The following HHIPL1 variants were observed in gnomAD, a reference collection of about 807,000 sequenced individuals.
The protein encoded by HHIPL1 is HHIP-like protein 1.
In HHIPL1, 43 loss-of-function variants were observed where a neutral mutation model predicts 61.8. The ratio of observed to expected loss-of-function variants is 0.70; its 90% CI spans 0.55 to 0.90. The LOEUF (loss-of-function observed/expected upper bound fraction) is 0.90. Ranked by LOEUF, HHIPL1 falls within the 40% of genes least tolerant of loss-of-function variation. The probability of loss-of-function intolerance (pLI) is 0.00; values close to 1 mark genes in which losing one functional copy is unlikely to be tolerated. For missense variants in HHIPL1, 1,056 were observed against 1,157.7 expected, an observed-to-expected ratio of 0.91 and a Z score of 1.28; for synonymous variants, 482 against 515.8, an observed-to-expected ratio of 0.93 and a Z score of 0.89.
the HHIPL1 span, among the ~76,000 whole-genome samples, chr14:99,637,000 G>GAAGAAAGAAAGAAAGAAAGAAAGA: frequency 5.2e-5 from 4 of 77,004 alleles, no homozygotes; most frequent in East Asian, 3.4e-4. Context: ...AAGAAAGAAA[G>GAAGAAAGAAAGAAAGAAAGAAAGA]AAGAAAGAAA....
rs1361206408 is a variant in HHIPL1 at position 99,662,891 on chromosome 14, C to A, written c.1518C>A (p.Leu506=). ...GDFMSGRLMS[L]QENPGTGQWQ... ...TCCTTTGCAGGCGTCTGATGTCCCT[C>A]CAAGAGAACCCAGGGACAGGCCAGT... The change falls in exon 6 of 9, where the codon CTC becomes CTA. Residue 506 remains leucine (L), a synonymous_variant. Transcript: ENST00000330710. 6.2e-7 allele frequency: 1 copy of A among 1,605,892 alleles called. No homozygotes were observed. The highest frequency in any genetic ancestry group is 2.2e-5 in the East Asian group (1 of 44,684).
chr14:99,673,833 G>A (rs1471020649), intron 8 of HHIPL1, among the ~76,000 whole-genome samples: 2 of 97,378 alleles, frequency 2.1e-5, no homozygotes, highest in East Asian at 4.1e-4. Flanking sequence ...CGGCATGGAG[G>A]GGGGGTGCAC....
At chr14:99,624,448 G>A in the HHIPL1 span, among the ~76,000 whole-genome samples, 1 of 152,192 alleles carries the variant, frequency 6.6e-6, no homozygotes, top group Non-Finnish European at 1.5e-5. Flanking sequence ...GGCTCAGGAA[G>A]GGGCAAGACT....
Position 99,661,947 on chromosome 14 carries a change from C to T in HHIPL1, c.1503-929C>T, listed in dbSNP as rs147485733. On this transcript the variant is annotated intron_variant, in intron 5 of 8. Coordinates refer to ENST00000330710, the MANE Select transcript of HHIPL1 (RefSeq NM_001127258.3). ...GGGCCCCTGGAAGTTGGATTCCTCT[C>T]CCAGATCCGCCCCTTCCCCGGGGAC... 2.9e-4 allele frequency among the ~76,000 whole-genome samples: 44 copies of T among 152,266 alleles called. No homozygotes were observed. The East Asian group carries it at 8.3e-3, about 29-fold the overall frequency.
At chr14:99,652,040 A>G (rs1361701123) in intron 1 of HHIPL1, among the ~76,000 whole-genome samples, 184 bp from the exon 2 acceptor site, 1 of 152,180 alleles carries the variant, frequency 6.6e-6, no homozygotes, top group Admixed American at 6.5e-5. Flanking sequence ...TAACAACAAC[A>G]CAAACATTAA....
chr14:99,648,922 A>G (rs532816668), intron 1 of HHIPL1, among the ~76,000 whole-genome samples: 3 of 152,228 alleles, frequency 2.0e-5, no homozygotes, highest in Admixed American at 6.5e-5. Context: ...GGGGTGGCAA[A>G]CTCTGGGCAA....
Position 99,678,829 on chromosome 14 carries a change from A to T in HHIPL1, c.*3203A>T, listed in dbSNP as rs779427376. The T allele has an allele frequency of 2.6e-5, 4 of 152,252 alleles. No homozygotes were observed. Among genetic ancestry groups the T allele is most frequent in the Non-Finnish European group, 5.9e-5 (4 of 68,048 alleles). 9.4% of individuals were successfully genotyped at this position (152,252 alleles called of 1,614,324 possible). A position where few individuals can be genotyped will look rare whatever the true frequency, so the allele number is the denominator to read the frequency against. On this transcript the variant is annotated 3_prime_UTR_variant, in exon 9 of 9. Transcript: ENST00000330710. ...GGCTTGACAAAGAGTTATTAGCATA[A>T]AGCAAGGAGGTTTGAAGGAAGTTCG...
At chr14:99,627,476 C>A in the HHIPL1 span, among the ~76,000 whole-genome samples, 1 of 152,238 alleles carries the variant, frequency 6.6e-6, no homozygotes, top group East Asian at 1.9e-4. The surrounding 1 kb of genome is among the most constrained non-coding windows in gnomAD (Gnocchi z 4.4). Context: ...ATTCAGTTCC[C>A]ATCTCCTAAG....
upstream of HHIPL1, among the ~76,000 whole-genome samples, chr14:99,642,052 G>A (rs543133695): frequency 5.9e-5 from 9 of 151,588 alleles, no homozygotes; most frequent in African/African-American, 1.7e-4. Flanking sequence ...TGATTCTCCC[G>A]CCTCAGCCTC....
At position 99,675,071 on chromosome 14, in the gene HHIPL1, C is replaced by T. The variant is rs759677332; in HGVS notation, c.1814-20C>T. On this transcript the variant is annotated intron_variant, in intron 8 of 8. Coordinates refer to ENST00000330710, the MANE Select transcript of HHIPL1 (RefSeq NM_001127258.3). This position sits in a 1 kb window ranked among gnomAD's most constrained non-coding sequence, Gnocchi z 5.4. ...AGGGGCGCCTGGGTCCCTCTGACGG[C>T]ATACTCTTCCTCTGCGCAGAGTTCA... 1.9e-5 allele frequency: 22 copies of T among 1,136,300 alleles called. No individual in the cohort carries two copies. The highest frequency in any genetic ancestry group is 2.3e-5 in the Non-Finnish European group (21 of 914,628). 70.4% of individuals were successfully genotyped at this position (1,136,300 alleles called of 1,614,324 possible).
the HHIPL1 span, among the ~76,000 whole-genome samples, chr14:99,605,616 G>A: frequency 6.6e-6 from 1 of 152,258 alleles, no homozygotes; most frequent in Non-Finnish European, 1.5e-5. Flanking sequence ...TTGGCGTCCT[G>A]GGAGCAGGAT....
At position 99,660,132 on chromosome 14, in the gene HHIPL1, AGCCCTGCTGTGG is replaced by A; in HGVS notation, c.1376-145_1376-134del. On this transcript the variant is annotated intron_variant, in intron 4 of 8. Transcript: ENST00000330710. This position sits in a 1 kb window ranked among gnomAD's most constrained non-coding sequence, Gnocchi z 4.9. ...CTGCAGACACGCTTTCCACCACGCCAGCCCTGCTGTGGGCACGCCAGCCCTGCTGTGGGCACG... is the reference window on the plus strand; with the variant it reads ...CTGCAGACACGCTTTCCACCACGCCAGCACGCCAGCCCTGCTGTGGGCACG... The A allele has an allele frequency of 1.2e-5, 8 of 649,250 alleles. No individual in the cohort carries two copies. Among genetic ancestry groups the A allele is most frequent in the Admixed American group, 3.4e-5 (1 of 29,486 alleles). The allele number at this position is 649,250 out of a possible 1,614,324, so 40.2% of individuals were successfully genotyped here.
intron 1 of HHIPL1, among the ~76,000 whole-genome samples, chr14:99,648,637 G>A (rs148013807): frequency 2.6e-5 from 4 of 152,358 alleles, no homozygotes; most frequent in Non-Finnish European, 5.9e-5. Flanking sequence ...ATTCAATGGA[G>A]TGAGTGTCGT....
At chr14:99,663,253 A>C (rs2056184085) in intron 6 of HHIPL1, among the ~76,000 whole-genome samples, 1 of 152,200 alleles carries the variant, frequency 6.6e-6, no homozygotes, top group South Asian at 2.1e-4. Flanking sequence ...AAATCGGGGG[A>C]AGTCCATAGA....
the HHIPL1 span, among the ~76,000 whole-genome samples, chr14:99,630,444 T>G: frequency 3.9e-4 from 60 of 152,354 alleles, 1 homozygote; most frequent in African/African-American, 1.3e-3. Context: ...ATTGGCTGCA[T>G]CTGACTGGGC....
the HHIPL1 span, among the ~76,000 whole-genome samples, chr14:99,620,261 G>C: frequency 1.3e-5 from 2 of 152,334 alleles, no homozygotes; most frequent in Non-Finnish European, 1.5e-5. Context: ...CTTTGGGAGA[G>C]GGCAGAAAGG....
intron 1 of HHIPL1, among the ~76,000 whole-genome samples, chr14:99,651,152 G>A (rs2055923834): frequency 6.6e-6 from 1 of 152,202 alleles, no homozygotes; most frequent in Non-Finnish European, 1.5e-5. Flanking sequence ...AGGAGGCTGA[G>A]GCAGGAGCAT....
In HHIPL1 at chr14:99,655,948, G is replaced by T. The variant is rs997823946; in HGVS notation, c.903-1052G>T. ...GCTGTCTCTGCAGCCACCACTTCCG[G>T]AGGCAGGGCTAGAAGCCAAAGAAAC... On this transcript the variant is annotated intron_variant, in intron 2 of 8. Coordinates refer to ENST00000330710, the MANE Select transcript of HHIPL1 (RefSeq NM_001127258.3). Among the ~76,000 whole-genome samples, 6 of 152,202 alleles carry T rather than the reference G, an allele frequency of 3.9e-5. No homozygotes were observed. The East Asian group carries it at 5.8e-4, about 15-fold the overall frequency.
chr14:99,659,851 C>CCCCCCT, intron 4 of HHIPL1, 95 bp downstream of exon 4: 1 of 551,520 alleles, frequency 1.8e-6, no homozygotes, highest in Non-Finnish European at 2.7e-6. Flanking sequence ...ACCGCACCCC[C>CCCCCCT]CCCCCCCCGG....
Sources: gnomAD v4.1 joint callset for allele counts (sites outside exome capture counted in the v4.1 genomes callset) on GRCh38, gnomAD v4.1.1 for gene constraint, Gnocchi (gnomAD v3.1) non-coding constraint, MANE v1.5 for transcripts, NCBI Gene and HGNC (gene_info 2026-07-23, HGNC 2026-07-21) for gene names.